Variants in PNKD observed in about 807,000 individuals in gnomAD.
PNKD encodes PNKD metallo-beta-lactamase domain containing.
A neutral mutation model predicts 45.3 loss-of-function variants in PNKD; 36 were observed. That is an observed-to-expected ratio of 0.80 (90% confidence interval 0.61 to 1.05). The LOEUF is 1.05. Ranked by LOEUF, PNKD falls within the 50% of genes least tolerant of loss-of-function variation. The pLI is 0.00. For missense variants in PNKD, 511 were observed against 506.6 expected (o/e 1.01, Z -0.08); for synonymous variants, 197 against 210.1 (o/e 0.94, Z 0.54).
At chr2:218,282,831 TG>T (rs1392287264) in intron 2 of PNKD, among the ~76,000 whole-genome samples, 1 of 152,144 alleles carries the variant, frequency 6.6e-6, no homozygotes, top group African/African-American at 2.4e-5. Context: ...GTACAGGGGC[TG>T]GGGGCAGGGA....
chr2:218,272,566 G>C (rs376137172), intron 2 of PNKD: 1 of 1,613,444 alleles, frequency 6.2e-7, no homozygotes, highest in South Asian at 1.1e-5. Context: ...CTCCCCACCC[G>C]TAGGGCCATC....
chr2:218,319,068 C>A (rs1272590654), intron 2 of PNKD, among the ~76,000 whole-genome samples: 1 of 147,808 alleles, frequency 6.8e-6, no homozygotes, highest in Admixed American at 7.0e-5. Flanking sequence ...GACTCTCCTG[C>A]CTCAGCCTCC....
chr2:218,344,624 G>T, intron 9 of PNKD, 54 bp downstream of exon 9: 1 of 1,501,812 alleles, frequency 6.7e-7, no homozygotes, highest in South Asian at 1.1e-5. Context: ...CAGCCCCAAC[G>T]GGAACCCATC....
At chr2:218,273,283 T>C (rs1428154327) in intron 2 of PNKD, among the ~76,000 whole-genome samples, 1 of 142,464 alleles carries the variant, frequency 7.0e-6, no homozygotes, top group East Asian at 1.9e-4. Context: ...TTGTTTTTTG[T>C]TTTTTGAGAC....
chr2:218,281,886 T>G, intron 2 of PNKD: 1 of 1,452,632 alleles, frequency 6.9e-7, no homozygotes, highest in Non-Finnish European at 9.4e-7. Context: ...TGGCCTCATC[T>G]GCTCCAAGTG....
intron 2 of PNKD, among the ~76,000 whole-genome samples, chr2:218,295,161 C>T (rs1377310886): frequency 6.6e-6 from 1 of 152,210 alleles, no homozygotes; most frequent in Non-Finnish European, 1.5e-5. Flanking sequence ...GCGCCTGGCC[C>T]AGAGCAGCAG....
chr2:218,323,251 G>C, intron 2 of PNKD: 2 of 1,479,052 alleles, frequency 1.4e-6, no homozygotes, highest in South Asian at 2.6e-5. Context: ...CCCGGCCGGC[G>C]CGTGCCTGCC....
At chr2:218,343,417 C>A in intron 7 of PNKD, 83 bp from the exon 8 acceptor site, 2 of 1,082,382 alleles carry the variant, frequency 1.8e-6, no homozygotes, top group Non-Finnish European at 2.8e-6. Flanking sequence ...GCATTACAAG[C>A]TGGTTCCCAC....
At chr2:218,343,736 G>T in intron 8 of PNKD, 150 bp downstream of exon 8, 1 of 669,118 alleles carries the variant, frequency 1.5e-6, no homozygotes, top group East Asian at 2.7e-5. Flanking sequence ...TAGGGACAGA[G>T]TTCTGGCCTC....
At chr2:218,318,302 G>A (rs552507105) in intron 2 of PNKD, 1 of 144,222 alleles carries the variant, frequency 6.9e-6, no homozygotes, top group Non-Finnish European at 1.5e-5. Context: ...CTAAGAGAGT[G>A]GCAGAGGCAA....
At chr2:218,331,322 G>A (rs556599661) in intron 2 of PNKD, among the ~76,000 whole-genome samples, 14 of 151,938 alleles carry the variant, frequency 9.2e-5, no homozygotes, top group Admixed American at 2.6e-4. Flanking sequence ...CAGAAGAATC[G>A]CTTGAACCCG....
chr2:218,273,050 G>A, intron 2 of PNKD: 1 of 850,494 alleles, frequency 1.2e-6, no homozygotes, highest in South Asian at 1.8e-5. Context: ...CCAGCTGGAT[G>A]GTGGGGCAAA....
At chr2:218,295,134 C>T (rs766632525) in intron 2 of PNKD, among the ~76,000 whole-genome samples, 5 of 152,172 alleles carry the variant, frequency 3.3e-5, no homozygotes, top group Non-Finnish European at 7.4e-5. Flanking sequence ...ACTATAGGGT[C>T]AAAAATAACA....
intron 2 of PNKD, among the ~76,000 whole-genome samples, chr2:218,296,373 G>A (rs1001473207): frequency 6.6e-6 from 1 of 152,062 alleles, no homozygotes; most frequent in Non-Finnish European, 1.5e-5. Flanking sequence ...AGGACTGGAT[G>A]TTATTTTAGG....
chr2:218,334,392 G>A (rs1694426717), intron 2 of PNKD, among the ~76,000 whole-genome samples: 1 of 151,922 alleles, frequency 6.6e-6, no homozygotes, highest in Non-Finnish European at 1.5e-5. Flanking sequence ...CTCCAGTCTG[G>A]GACAGTTTCT....
At chr2:218,287,149 G>A (rs1266720871) in intron 2 of PNKD, 1 of 152,162 alleles carries the variant, frequency 6.6e-6, no homozygotes, top group Non-Finnish European at 1.5e-5. Context: ...CTAAGAGGAT[G>A]AAGCCACAGG....
intron 7 of PNKD, 28 bp downstream of exon 7, chr2:218,342,172 TG>T: frequency 6.2e-7 from 1 of 1,603,828 alleles, no homozygotes. Context: ...AGAGAGGAGC[TG>T]GGAGAGGAGG....
intron 2 of PNKD, chr2:218,334,676 T>G: frequency 1.4e-6 from 1 of 701,788 alleles, no homozygotes; most frequent in Middle Eastern, 2.3e-4. Context: ...TTTGCATTTT[T>G]GGCACAAATA....
chr2:218,342,030 GC>G lies in PNKD; in HGVS notation c.670del (p.Leu224TrpfsTer49). ...VVSVGRLQIRALATPGHTQGH... is the reference protein window; with the variant it reads ...VVSVGRLQIRXLATPGHTQGH... ...CAGCGTGGGACGGCTTCAGATCCGG[GC>G]CCTGGCTACACCTGGCCACACACAA... On this transcript the variant is annotated frameshift_variant, in exon 7 of 10. Transcript: ENST00000273077. LOFTEE classifies it high-confidence loss of function. 1 of 1,613,650 alleles carries G rather than the reference GC, an allele frequency of 6.2e-7. No homozygotes were observed. The highest frequency in any genetic ancestry group is 8.5e-7 in the Non-Finnish European group (1 of 1,179,568).
Sources: gnomAD v4.1 joint callset for allele counts (sites outside exome capture counted in the v4.1 genomes callset) on GRCh38, gnomAD v4.1.1 for gene constraint, MANE v1.5 for transcripts, NCBI Gene and HGNC (gene_info 2026-07-23, HGNC 2026-07-21) for gene names.